The following PDE7B variants were observed in gnomAD, a reference collection of about 807,000 sequenced individuals.
PDE7B encodes phosphodiesterase 7B.
In PDE7B, 29 loss-of-function variants were observed where a neutral mutation model predicts 56.2. The observed-to-expected ratio is 0.52, with a 90% confidence interval of 0.38 to 0.70. The LOEUF is 0.70. Among genes scored for constraint, PDE7B ranks in the 30% least tolerant of loss-of-function variants. The pLI is 0.00. For synonymous variants in PDE7B, 197 were observed against 196.9 expected, an observed-to-expected ratio of 1.00 and a Z score of 0.00; for missense variants, 490 against 565.0, an observed-to-expected ratio of 0.87 and a Z score of 1.35.
At chr6:136,097,442 T>A (rs931427892) in intron 2 of PDE7B, among the ~76,000 whole-genome samples, 1 of 152,066 alleles carries the variant, frequency 6.6e-6, no homozygotes, top group African/African-American at 2.4e-5. Flanking sequence ...CAGTTTTACC[T>A]CCTACACATC....
intron 2 of PDE7B, among the ~76,000 whole-genome samples, chr6:135,953,315 A>C (rs1402653286): frequency 6.6e-6 from 1 of 152,118 alleles, no homozygotes; most frequent in African/African-American, 2.4e-5. Flanking sequence ...AATAATACAC[A>C]ATCTGTTTTA....
At chr6:136,167,878 G>C (rs1304832532) in intron 8 of PDE7B, among the ~76,000 whole-genome samples, 1 of 152,156 alleles carries the variant, frequency 6.6e-6, no homozygotes, top group Admixed American at 6.6e-5. Context: ...TGTAGTAAAA[G>C]ATAAAGAACT....
chr6:136,094,222 C>T (rs1777437053), intron 2 of PDE7B: 1 of 152,218 alleles, frequency 6.6e-6, no homozygotes, highest in Admixed American at 6.5e-5. Context: ...AATCACTTCC[C>T]AAAAGGCCTC....
intron 3 of PDE7B, among the ~76,000 whole-genome samples, chr6:136,140,837 G>C (rs1302318553): frequency 6.6e-6 from 1 of 152,196 alleles, no homozygotes; most frequent in African/African-American, 2.4e-5. Context: ...CTTTGCTGAA[G>C]TTGCCTATCA....
At chr6:135,864,869 G>A (rs12204797) in intron 1 of PDE7B, among the ~76,000 whole-genome samples, 15,299 of 151,614 alleles carry the variant, frequency 0.1, 939 homozygotes, top group East Asian at 0.23. Context: ...GTATACATGT[G>A]CCATGTTGGT....
chr6:136,039,966 A>G (rs1001399149), intron 2 of PDE7B, among the ~76,000 whole-genome samples: 8 of 152,368 alleles, frequency 5.3e-5, no homozygotes, highest in Admixed American at 1.3e-4. Flanking sequence ...AATAGTTGTT[A>G]GCATGTCTGT....
In PDE7B at chr6:135,923,256, G is replaced by A. The variant is rs1774123246; in HGVS notation, c.22-24208G>A. On this transcript the variant is annotated intron_variant, in intron 1 of 12. Coordinates refer to ENST00000308191, the MANE Select transcript of PDE7B (RefSeq NM_018945.4). Reference sequence around the variant, plus strand: ...CTATATACTGAGTGCCTACTGTGTGGCAAACTCTGCACTAGGCATGGAGAC... The same window carrying A: ...CTATATACTGAGTGCCTACTGTGTGACAAACTCTGCACTAGGCATGGAGAC... 2.0e-5 allele frequency among the ~76,000 whole-genome samples: 3 copies of A among 152,212 alleles called. No individual in the cohort carries two copies. The South Asian group carries it at 6.2e-4, about 32-fold the overall frequency.
intron 2 of PDE7B, among the ~76,000 whole-genome samples, chr6:136,021,811 G>A (rs1356279241): frequency 6.6e-6 from 1 of 152,058 alleles, no homozygotes; most frequent in African/African-American, 2.4e-5. Flanking sequence ...TACCAGTGTG[G>A]TCTTATGAAA....
chr6:135,873,987 A>G (rs1286768446), intron 1 of PDE7B, among the ~76,000 whole-genome samples: 1 of 152,196 alleles, frequency 6.6e-6, no homozygotes, highest in South Asian at 2.1e-4. Flanking sequence ...TTCAATCCAT[A>G]TGTAAAAGAT....
chr6:135,868,545 C>A (rs1204962307), intron 1 of PDE7B, among the ~76,000 whole-genome samples: 1 of 152,158 alleles, frequency 6.6e-6, no homozygotes, highest in Non-Finnish European at 1.5e-5. Context: ...GATTCTCCTG[C>A]CTCAGCCTCC....
chr6:135,923,645 CAT>C (rs1339815162), intron 1 of PDE7B, among the ~76,000 whole-genome samples: 1 of 152,028 alleles, frequency 6.6e-6, no homozygotes, highest in Admixed American at 6.5e-5. Context: ...GAAATGAACA[CAT>C]ATAGTGGTCT....
At chr6:136,127,573 GGCTT>G (rs895711636) in intron 3 of PDE7B, among the ~76,000 whole-genome samples, 8 of 151,908 alleles carry the variant, frequency 5.3e-5, no homozygotes, top group Non-Finnish European at 1.0e-4. Context: ...TTTCTCTTTT[GGCTT>G]AAAGTTGGTA....
At chr6:136,173,354 C>G (rs920416436) in intron 8 of PDE7B, among the ~76,000 whole-genome samples, 1 of 152,110 alleles carries the variant, frequency 6.6e-6, no homozygotes, top group Non-Finnish European at 1.5e-5. Context: ...CGCCACATAT[C>G]TACAACTATC....
intron 2 of PDE7B, among the ~76,000 whole-genome samples, chr6:136,047,029 G>T (rs574141616): frequency 6.6e-6 from 1 of 152,054 alleles, no homozygotes; most frequent in East Asian, 1.9e-4. Flanking sequence ...AATGGCCCAC[G>T]GACATACATC....
At chr6:136,126,218 A>C (rs1017677349) in intron 3 of PDE7B, among the ~76,000 whole-genome samples, 1 of 152,132 alleles carries the variant, frequency 6.6e-6, no homozygotes, top group African/African-American at 2.4e-5. Flanking sequence ...GCCACTGGTA[A>C]TTTCCTAAGA....
In PDE7B at chr6:136,175,823, C is replaced by T. The variant is rs558830151; in HGVS notation, c.803+1935C>T. Among the ~76,000 whole-genome samples, 30 of 152,158 alleles carry T rather than the reference C, an allele frequency of 2.0e-4. No homozygotes were observed. The South Asian group carries it at 6.2e-3, about 31-fold the overall frequency. On this transcript the variant is annotated intron_variant, in intron 9 of 12. Transcript: ENST00000308191. ...AAATTATTGGTCAGAAAGGTCTGAA[C>T]TTTTAAGTTTCTTGTATATTATCCA... is the stretch of plus-strand genomic sequence containing the variant.
chr6:135,983,998 C>G, intron 2 of PDE7B, among the ~76,000 whole-genome samples: 1 of 152,218 alleles, frequency 6.6e-6, no homozygotes, highest in East Asian at 1.9e-4. Context: ...ACTGCAAATT[C>G]TGAAGGAATA....
intron 2 of PDE7B, among the ~76,000 whole-genome samples, chr6:135,949,117 G>A (rs1272214790): frequency 2.0e-5 from 3 of 152,028 alleles, no homozygotes; most frequent in Non-Finnish European, 4.4e-5. Context: ...GAAATTGAGG[G>A]AAATGGTTGA....
chr6:135,939,431 G>A (rs760907232), intron 1 of PDE7B, among the ~76,000 whole-genome samples: 49 of 152,166 alleles, frequency 3.2e-4, no homozygotes, highest in Non-Finnish European at 4.7e-4. Flanking sequence ...ATTAGTCTCT[G>A]ACGTTTTAAC....
Sources: gnomAD v4.1 joint callset for allele counts (sites outside exome capture counted in the v4.1 genomes callset) on GRCh38, gnomAD v4.1.1 for gene constraint, MANE v1.5 for transcripts, NCBI Gene and HGNC (gene_info 2026-07-23, HGNC 2026-07-21) for gene names.